The following ZNF704 variants were observed in gnomAD, a reference collection of about 807,000 sequenced individuals.
ZNF704 encodes zinc finger protein 704.
Under a neutral mutation model 44.7 loss-of-function variants are expected in ZNF704, and 10 were observed. The observed-to-expected ratio is 0.22, with a 90% CI of 0.14 to 0.38. The LOEUF is 0.38. ZNF704 is among the 10% of genes least tolerant of loss of function. The pLI, the probability that ZNF704 is intolerant of heterozygous loss-of-function variation, is 1.00. For missense variants in ZNF704, 390 were observed against 545.5 expected (o/e 0.71, Z 2.84); for synonymous variants, 211 against 207.6 (o/e 1.02, Z -0.14).
chr8:80,662,840 G>A (rs575520181), intron 6 of ZNF704, among the ~76,000 whole-genome samples: 3 of 152,098 alleles, frequency 2.0e-5, no homozygotes, highest in South Asian at 2.1e-4. Flanking sequence ...TATTAATGAC[G>A]AAAAAACAGG....
chr8:80,862,308 A>G (rs1486772275), intron 1 of ZNF704, among the ~76,000 whole-genome samples: 1 of 152,092 alleles, frequency 6.6e-6, no homozygotes, highest in Non-Finnish European at 1.5e-5. Flanking sequence ...TATCATTTCT[A>G]TTATAGTTTT....
chr8:80,882,152 G>A, the ZNF704 span, among the ~76,000 whole-genome samples: 1 of 152,172 alleles, frequency 6.6e-6, no homozygotes, highest in African/African-American at 2.4e-5. Flanking sequence ...AGTAGAATCA[G>A]TTGGTCAAAT....
intron 2 of ZNF704, among the ~76,000 whole-genome samples, chr8:80,757,467 A>G (rs1391636837): frequency 6.6e-6 from 1 of 152,092 alleles, no homozygotes; most frequent in South Asian, 2.1e-4. Flanking sequence ...AAAAAAAAAA[A>G]CCTTAAATGT....
chr8:80,692,864 T>C, intron 3 of ZNF704, 140 bp downstream of exon 3: 1 of 731,832 alleles, frequency 1.4e-6, no homozygotes, highest in Non-Finnish European at 2.3e-6. Context: ...GGCCTCGACT[T>C]CTTCCACGTT....
chr8:80,779,698 AT>A (rs1807478302), intron 2 of ZNF704, among the ~76,000 whole-genome samples: 1 of 151,924 alleles, frequency 6.6e-6, no homozygotes. Flanking sequence ...CATTAAGAAT[AT>A]TTTAGTTACA....
intron 2 of ZNF704, among the ~76,000 whole-genome samples, chr8:80,729,716 T>TA (rs1806544238): frequency 6.6e-6 from 1 of 152,200 alleles, no homozygotes; most frequent in African/African-American, 2.4e-5. Context: ...GGCTGGCAGG[T>TA]AACTGAACGC....
At chr8:80,857,827 T>C (rs2130026010) in intron 1 of ZNF704, among the ~76,000 whole-genome samples, 1 of 152,306 alleles carries the variant, frequency 6.6e-6, no homozygotes, top group Middle Eastern at 3.4e-3. Flanking sequence ...ATTTCACTGG[T>C]AAAGCCATTC....
At chr8:80,803,851 A>G (rs1341053507) in intron 2 of ZNF704, among the ~76,000 whole-genome samples, 1 of 152,238 alleles carries the variant, frequency 6.6e-6, no homozygotes, top group African/African-American at 2.4e-5. Context: ...ATTAAACTAA[A>G]GAGCTTCTGT....
At chr8:80,723,780 G>A (rs1806421759) in intron 2 of ZNF704, among the ~76,000 whole-genome samples, 1 of 152,190 alleles carries the variant, frequency 6.6e-6, no homozygotes, top group Non-Finnish European at 1.5e-5. Context: ...GGATTCATGA[G>A]CAAAAAGTTT....
intron 2 of ZNF704, among the ~76,000 whole-genome samples, chr8:80,744,833 GACAA>G (rs1563538674): frequency 2.0e-5 from 3 of 152,102 alleles, no homozygotes; most frequent in Admixed American, 1.3e-4. Context: ...TAAACTAGAA[GACAA>G]ACAGATATAT....
At chr8:80,698,150 T>C (rs1344708693) in intron 2 of ZNF704, among the ~76,000 whole-genome samples, 1 of 152,236 alleles carries the variant, frequency 6.6e-6, no homozygotes. Context: ...TAACAGTCTT[T>C]GTAAAAATGA....
intron 2 of ZNF704, among the ~76,000 whole-genome samples, chr8:80,733,006 G>A (rs1012198936): frequency 9.4e-5 from 14 of 148,524 alleles, no homozygotes; most frequent in African/African-American, 3.0e-4. Flanking sequence ...CTTAAATCTC[G>A]ACTCATTTAA....
intron 2 of ZNF704, among the ~76,000 whole-genome samples, chr8:80,792,232 C>T (rs1807721106): frequency 6.6e-6 from 1 of 152,110 alleles, no homozygotes; most frequent in African/African-American, 2.4e-5. Context: ...TGATTAGGCT[C>T]TCTGAGCTGG....
chr8:80,824,215 T>A (rs996555307), intron 1 of ZNF704, among the ~76,000 whole-genome samples: 5 of 151,670 alleles, frequency 3.3e-5, no homozygotes, highest in South Asian at 2.1e-4. Context: ...GAATAAACAG[T>A]GTAAAGAAGA....
intron 2 of ZNF704, among the ~76,000 whole-genome samples, chr8:80,816,678 C>G (rs1260611492): frequency 6.6e-6 from 1 of 152,130 alleles, no homozygotes; most frequent in Non-Finnish European, 1.5e-5. Flanking sequence ...CTCCAATGAT[C>G]CTAAAAGCTA....
chr8:80,850,158 T>C lies in ZNF704; in HGVS notation c.-22+24413A>G, dbSNP rs553659683. On this transcript the variant is annotated intron_variant, in intron 1 of 8. Coordinates refer to ENST00000327835, the MANE Select transcript of ZNF704 (RefSeq NM_001033723.3). Reference sequence around the variant, plus strand: ...TCCTAAAAGTCATTTTATATTATGGTTCATTTTAAAAATTACCCATTATTT... The same window carrying C: ...TCCTAAAAGTCATTTTATATTATGGCTCATTTTAAAAATTACCCATTATTT... Among the ~76,000 whole-genome samples, 3 of 152,342 alleles carry C rather than the reference T, an allele frequency of 2.0e-5. No individual in the cohort carries two copies. The East Asian group carries it at 5.8e-4, about 29-fold the overall frequency.
chr8:80,859,331 C>A (rs1345953690), intron 1 of ZNF704, among the ~76,000 whole-genome samples: 1 of 152,096 alleles, frequency 6.6e-6, no homozygotes, highest in Admixed American at 6.5e-5. Flanking sequence ...GTTAATCTAC[C>A]AGGGGTAGGA....
intron 2 of ZNF704, among the ~76,000 whole-genome samples, chr8:80,767,962 T>C (rs1807255973): frequency 6.6e-6 from 1 of 152,144 alleles, no homozygotes; most frequent in Non-Finnish European, 1.5e-5. Context: ...TCTTGAACAG[T>C]TTAGTTCACT....
At chr8:80,754,484 A>ATATG (rs1201875263) in intron 2 of ZNF704, among the ~76,000 whole-genome samples, 5 of 152,252 alleles carry the variant, frequency 3.3e-5, no homozygotes, top group African/African-American at 1.2e-4. Flanking sequence ...TTACGAAATG[A>ATATG]TATGTATGTA....
Sources: gnomAD v4.1 joint callset for allele counts (sites outside exome capture counted in the v4.1 genomes callset) on GRCh38, gnomAD v4.1.1 for gene constraint, MANE v1.5 for transcripts, NCBI Gene and HGNC (gene_info 2026-07-23, HGNC 2026-07-21) for gene names.